Variants in DCP1B observed in about 807,000 individuals in gnomAD.
DCP1B encodes the protein mRNA-decapping enzyme 1B.
In DCP1B, 47 loss-of-function variants were observed where a neutral mutation model predicts 60.5. The ratio of observed to expected loss-of-function variants is 0.78; its 90% CI spans 0.61 to 0.99. The LOEUF (loss-of-function observed/expected upper bound fraction) is 0.99, where lower values mean the gene tolerates loss of function less well. DCP1B is among the 50% of genes least tolerant of loss of function. The probability of loss-of-function intolerance (pLI) is 0.00; values close to 1 mark genes in which losing one functional copy is unlikely to be tolerated. For missense variants in DCP1B, 725 were observed against 756.8 expected, an observed-to-expected ratio of 0.96 and a Z score of 0.49; for synonymous variants, 267 against 280.3, an observed-to-expected ratio of 0.95 and a Z score of 0.47.
chr12:1,951,109 T>TA (rs941279953), intron 7 of DCP1B, among the ~76,000 whole-genome samples: 8 of 151,906 alleles, frequency 5.3e-5, no homozygotes, highest in African/African-American at 1.5e-4. Flanking sequence ...TCGTCTCTAC[T>TA]AAAAAAATAC....
chr12:1,969,210 C>G (rs1372535481), intron 3 of DCP1B, among the ~76,000 whole-genome samples: 1 of 151,870 alleles, frequency 6.6e-6, no homozygotes, highest in Non-Finnish European at 1.5e-5. Context: ...ATCTTTTTTC[C>G]CCTCTTACCT....
chr12:1,986,294 T>G (rs190794374), intron 3 of DCP1B, among the ~76,000 whole-genome samples: 1 of 152,094 alleles, frequency 6.6e-6, no homozygotes, highest in African/African-American at 2.4e-5. Context: ...AATTAGGAGA[T>G]CTCCTCATCC....
chr12:1,968,354 A>G (rs2031473512), intron 3 of DCP1B, among the ~76,000 whole-genome samples: 1 of 141,652 alleles, frequency 7.1e-6, no homozygotes, highest in African/African-American at 2.8e-5. Context: ...CTCTGTCTCA[A>G]AAAAAAAAAA....
At chr12:1,965,454 T>C in intron 5 of DCP1B, 104 bp downstream of exon 5, 2 of 1,279,930 alleles carry the variant, frequency 1.6e-6, no homozygotes, top group Non-Finnish European at 2.0e-6. Flanking sequence ...ATAATTTTGT[T>C]TGGTGGAAGG....
At chr12:1,987,395 A>C (rs2038108807) in intron 3 of DCP1B, among the ~76,000 whole-genome samples, 1 of 152,076 alleles carries the variant, frequency 6.6e-6, no homozygotes, top group Non-Finnish European at 1.5e-5. Context: ...TTATGAGAGA[A>C]TGTATTTTGA....
chr12:1,961,206 T>C (rs538818863), intron 5 of DCP1B: 2 of 152,362 alleles, frequency 1.3e-5, no homozygotes, highest in East Asian at 3.9e-4. Flanking sequence ...AAAATGAGTA[T>C]TCTGTTTGGC....
intron 7 of DCP1B, chr12:1,950,460 G>A (rs2030624995): frequency 4.3e-6 from 3 of 694,430 alleles, no homozygotes; most frequent in Non-Finnish European, 7.9e-6. Context: ...TCATCAAAGA[G>A]GAAAAAAGCA....
downstream of DCP1B, among the ~76,000 whole-genome samples, chr12:1,945,623 G>A (rs147694893): frequency 0.017 from 2,585 of 152,240 alleles, 47 homozygotes; most frequent in South Asian, 0.026. Context: ...CAAAGACTTG[G>A]AACCAACCCA....
intron 3 of DCP1B, among the ~76,000 whole-genome samples, chr12:1,968,596 T>C (rs2031521189): frequency 6.6e-6 from 1 of 152,216 alleles, no homozygotes; most frequent in African/African-American, 2.4e-5. Flanking sequence ...GCACATTTCA[T>C]AAACACATTT....
intron 6 of DCP1B, among the ~76,000 whole-genome samples, chr12:1,954,500 T>C (rs1478209810): frequency 6.6e-6 from 1 of 151,724 alleles, no homozygotes; most frequent in South Asian, 2.1e-4. Context: ...GACCTACAGA[T>C]TGACAATTTT....
chr12:1,950,465 A>G, intron 7 of DCP1B: 1 of 696,784 alleles, frequency 1.4e-6, no homozygotes, highest in Non-Finnish European at 2.6e-6. Context: ...AAAGAGGAAA[A>G]AAGCAGACAT....
Position 1,946,343 on chromosome 12 carries a change from G to T in DCP1B, c.1774-57C>A, listed in dbSNP as rs528916312. 9.2e-6 allele frequency: 13 copies of T among 1,412,850 alleles called. No homozygotes were observed. In the African/African-American group the frequency reaches 1.6e-4, roughly 17 times the overall value. 87.5% of individuals were successfully genotyped at this position (1,412,850 alleles called of 1,614,324 possible). ...GTTACTTGGTTGGCAGACACAAAAG[G>T]CTTCCTCTGTCTTAGAGCTGAACTG... On this transcript the variant is annotated intron_variant, in intron 8 of 8. Coordinates refer to ENST00000280665, the MANE Select transcript of DCP1B (RefSeq NM_152640.5).
chr12:1,998,050 A>G (rs2041349920), intron 1 of DCP1B, 75 bp from the exon 2 acceptor site: 5 of 1,353,638 alleles, frequency 3.7e-6, no homozygotes, highest in East Asian at 2.4e-5. Flanking sequence ...AAATTCTCAT[A>G]GAATAGGAAT....
At chr12:1,994,589 TA>T (rs1462510600) in intron 2 of DCP1B, among the ~76,000 whole-genome samples, 8 of 152,310 alleles carry the variant, frequency 5.3e-5, no homozygotes, top group South Asian at 2.1e-4. Flanking sequence ...AGAGCTCTGT[TA>T]GGGGTCTTCT....
intron 2 of DCP1B, among the ~76,000 whole-genome samples, chr12:1,995,635 C>T (rs1407651950): frequency 6.6e-6 from 1 of 152,242 alleles, no homozygotes; most frequent in Non-Finnish European, 1.5e-5. Context: ...TGCAGCTGAG[C>T]TCCCTCCTGC....
At position 1,961,694 on chromosome 12, in the gene DCP1B, A is replaced by C. The variant is rs116221763; in HGVS notation, c.522+3864T>G. Among the ~76,000 whole-genome samples, 330 of 151,780 alleles carry C rather than the reference A, an allele frequency of 2.2e-3. 1 individual carries two copies. The highest frequency in any genetic ancestry group is 7.6e-3 in the African/African-American group (310 of 41,026). On this transcript the variant is annotated intron_variant, in intron 5 of 8. Coordinates refer to ENST00000280665, the MANE Select transcript of DCP1B (RefSeq NM_152640.5). ...TAGACTGAGTTCACATGGAAGAATAATTAATTTGACTGAAGAGACCTGGGA... is the reference window on the plus strand; with the variant it reads ...TAGACTGAGTTCACATGGAAGAATACTTAATTTGACTGAAGAGACCTGGGA...
chr12:1,972,279 G>C (rs114977937), intron 3 of DCP1B, among the ~76,000 whole-genome samples: 236 of 152,330 alleles, frequency 1.5e-3, no homozygotes, highest in African/African-American at 5.3e-3. Context: ...TATTTTCAAT[G>C]TAAGGATGGA....
At chr12:1,957,849 C>T (rs2030941582) in intron 5 of DCP1B, among the ~76,000 whole-genome samples, 1 of 152,248 alleles carries the variant, frequency 6.6e-6, no homozygotes, top group African/African-American at 2.4e-5. Flanking sequence ...ACTAGACAGA[C>T]TTCACTTTAC....
intron 3 of DCP1B, among the ~76,000 whole-genome samples, chr12:1,976,139 G>A (rs2034286175): frequency 6.6e-6 from 1 of 152,192 alleles, no homozygotes; most frequent in Non-Finnish European, 1.5e-5. Context: ...TTCAGCCTAA[G>A]TGGAGTACTG....
Sources: gnomAD v4.1 joint callset for allele counts (sites outside exome capture counted in the v4.1 genomes callset) on GRCh38, gnomAD v4.1.1 for gene constraint, MANE v1.5 for transcripts, NCBI Gene and HGNC (gene_info 2026-07-23, HGNC 2026-07-21) for gene names.